KIF3C: variants seen among roughly 807,000 people sequenced by gnomAD.
KIF3C encodes the protein kinesin-like protein KIF3C.
KIF3C carries 12 observed loss-of-function variants against 67.7 expected under a neutral mutation model. The ratio of observed to expected loss-of-function variants is 0.18; its 90% CI spans 0.11 to 0.29. KIF3C has a LOEUF of 0.29. Ranked by LOEUF, KIF3C falls within the 10% of genes least tolerant of loss-of-function variation. The probability of loss-of-function intolerance (pLI) is 1.00; values close to 1 mark genes in which losing one functional copy is unlikely to be tolerated. For synonymous variants in KIF3C, 393 were observed against 426.2 expected (o/e 0.92, Z 0.96); for missense variants, 789 against 1,059.6 (o/e 0.74, Z 3.55).
chr2:25,949,893 C>T (rs543511363), intron 5 of KIF3C, among the ~76,000 whole-genome samples: 1 of 150,868 alleles, frequency 6.6e-6, no homozygotes, highest in East Asian at 2.1e-4. Flanking sequence ...ATCGTTTGAA[C>T]CCAGGAAGCG....
intron 5 of KIF3C, among the ~76,000 whole-genome samples, chr2:25,936,166 A>G (rs1454185591): frequency 6.6e-6 from 1 of 152,140 alleles, no homozygotes; most frequent in Non-Finnish European, 1.5e-5. Flanking sequence ...GCCACAATAT[A>G]TTAATAAAAG....
chr2:25,955,609 T>C lies in KIF3C; in HGVS notation c.1702A>G (p.Met568Val), dbSNP rs1235673503. 6.2e-6 allele frequency: 10 copies of C among 1,614,038 alleles called. No homozygotes were observed. Among genetic ancestry groups the C allele is most frequent in the Non-Finnish European group, 7.6e-6 (9 of 1,179,912 alleles). ...GATGTGTAGGTGCCCCGGAGCTCCA[T>C]AGTCTCCTCGTCCCGGAGCATCATC... is the stretch of plus-strand genomic sequence containing the variant. ...QEMMLRDEET[M>V]ELRGTYTSLQ... The change falls in exon 3 of 8, where the codon ATG becomes GTG. Residue 568 changes from methionine to valine, a missense_variant. By Grantham distance (21) the Met-to-Val change is conservative. This residue lies in a region of KIF3C where 648 missense variants were observed against 807.8 expected (regional missense o/e 0.80). Transcript: ENST00000264712. The surrounding 1 kb of genome is among the most constrained non-coding windows in gnomAD (Gnocchi z 5.0).
At chr2:25,932,765 A>G (rs1172331402) in intron 5 of KIF3C, among the ~76,000 whole-genome samples, 7 of 151,770 alleles carry the variant, frequency 4.6e-5, no homozygotes, top group Admixed American at 2.0e-4. Flanking sequence ...CCCGGGAGGC[A>G]GAGGTTGCAG....
At chr2:25,929,220 G>T in intron 7 of KIF3C, 85 bp downstream of exon 7, 2 of 1,511,542 alleles carry the variant, frequency 1.3e-6, no homozygotes, top group African/African-American at 1.4e-5. Flanking sequence ...TCGGGTACCA[G>T]CAAAACCCTC....
intron 1 of KIF3C, among the ~76,000 whole-genome samples, chr2:25,978,889 G>A (rs1664485506): frequency 6.6e-6 from 1 of 152,032 alleles, no homozygotes; most frequent in Admixed American, 6.5e-5. Context: ...GTCCCTAAAG[G>A]TTCCAGGCCC....
chr2:25,960,813 G>A (rs1348557485), intron 1 of KIF3C, among the ~76,000 whole-genome samples: 1 of 152,186 alleles, frequency 6.6e-6, no homozygotes, highest in Non-Finnish European at 1.5e-5. Context: ...GTGTGGGCCT[G>A]TGGTCCCAGC....
Position 25,927,720 on chromosome 2 carries a change from G to T in KIF3C, c.*1258C>A, listed in dbSNP as rs6738270. On this transcript the variant is annotated 3_prime_UTR_variant, in exon 8 of 8. Coordinates refer to ENST00000264712, the MANE Select transcript of KIF3C (RefSeq NM_002254.8). ...TAATTCACTCGCTTGCTTTCGTTAT[G>T]ACCTCTTCACCCGTCCTCCAAAATA... 0.71 allele frequency: 107,387 copies of T among 152,000 alleles called. 39,371 individuals carry two copies. The highest frequency in any genetic ancestry group is 0.79 in the Non-Finnish European group (53,863 of 67,972). 9.4% of individuals were successfully genotyped at this position (152,000 alleles called of 1,614,324 possible). A position where few individuals can be genotyped will look rare whatever the true frequency, so the allele number is the denominator to read the frequency against.
intron 1 of KIF3C, among the ~76,000 whole-genome samples, chr2:25,963,360 C>T (rs1009451787): frequency 6.7e-6 from 1 of 149,694 alleles, no homozygotes; most frequent in Non-Finnish European, 1.5e-5. Context: ...GCACCCACCA[C>T]CACGCCTGGC....
chr2:25,964,523 G>A (rs929741966), intron 1 of KIF3C, among the ~76,000 whole-genome samples: 4 of 152,082 alleles, frequency 2.6e-5, no homozygotes, highest in African/African-American at 9.7e-5. Context: ...CTGGAATGTA[G>A]TGGCATGATC....
In KIF3C at chr2:25,957,796, G is replaced by A. The variant is rs185165797; in HGVS notation, c.1546-1352C>T. ...CAAAGACGCTGAGCAAGTTGGGCCC[G>A]CCAGAGAGGCACGAGCTTCATTCCA... On this transcript the variant is annotated intron_variant, in intron 1 of 7. Transcript: ENST00000264712. 2.3e-3 allele frequency among the ~76,000 whole-genome samples: 343 copies of A among 152,328 alleles called. 1 individual carries two copies. The highest frequency in any genetic ancestry group is 3.8e-3 in the Non-Finnish European group (261 of 68,032).
chr2:25,932,763 G>T (rs1394953329), intron 5 of KIF3C, among the ~76,000 whole-genome samples: 1 of 151,932 alleles, frequency 6.6e-6, no homozygotes, highest in Non-Finnish European at 1.5e-5. Flanking sequence ...AACCCGGGAG[G>T]CAGAGGTTGC....
In KIF3C at chr2:25,980,808, C is replaced by G. The variant is rs754112933; in HGVS notation, c.1110G>C (p.Arg370=). The G allele has an allele frequency of 4.3e-6, 7 of 1,614,220 alleles. No individual in the cohort carries two copies. The highest frequency in any genetic ancestry group is 5.9e-6 in the Non-Finnish European group (7 of 1,180,044). ...NRAKNIKNKP[R]VNEDPKDTLL... The stretch of plus-strand genomic sequence containing the variant: ...GTGTGTCCTTGGGGTCCTCGTTCAC[C>G]CGGGGCTTGTTCTTGATGTTCTTGG... The change falls in exon 1 of 8, where the codon CGG becomes CGC. Residue 370 remains arginine (R), a synonymous_variant. Transcript: ENST00000264712. This position sits in a 1 kb window ranked among gnomAD's most constrained non-coding sequence, Gnocchi z 7.6.
At chr2:25,949,136 T>TTC in intron 5 of KIF3C, among the ~76,000 whole-genome samples, 1 of 152,312 alleles carries the variant, frequency 6.6e-6, no homozygotes, top group South Asian at 2.1e-4. Context: ...TTTTCGGAAG[T>TTC]ACAGGTAAAA....
intron 5 of KIF3C, among the ~76,000 whole-genome samples, chr2:25,931,482 A>T (rs960458366): frequency 1.3e-5 from 2 of 152,002 alleles, no homozygotes; most frequent in Non-Finnish European, 2.9e-5. Context: ...CAAAAAACAA[A>T]ACAAAAAAAG....
intron 1 of KIF3C, among the ~76,000 whole-genome samples, chr2:25,960,402 G>A (rs1663915956): frequency 6.7e-6 from 1 of 149,258 alleles, no homozygotes; most frequent in Non-Finnish European, 1.5e-5. Context: ...AAAGCTCACA[G>A]AGGTTATATA....
Position 25,950,329 on chromosome 2 carries a change from T to G in KIF3C, c.2006+1460A>C, listed in dbSNP as rs111520115. Among the ~76,000 whole-genome samples the G allele has an allele frequency of 8.5e-3, 1,290 of 151,970 alleles. 5 individuals are homozygous for G. Among genetic ancestry groups the G allele is most frequent in the Non-Finnish European group, 0.012 (835 of 67,960 alleles). ...ACCTCCCGAGTTCAAGAGATTCTCCTGCCTCAGCCTCCCTAGTAGCTAGGA... is the reference window on the plus strand; with the variant it reads ...ACCTCCCGAGTTCAAGAGATTCTCCGGCCTCAGCCTCCCTAGTAGCTAGGA... On this transcript the variant is annotated intron_variant, in intron 5 of 7. Transcript: ENST00000264712.
intron 5 of KIF3C, chr2:25,938,237 G>A (rs1663189706): frequency 2.2e-6 from 1 of 450,382 alleles, no homozygotes; most frequent in Admixed American, 2.4e-5. Flanking sequence ...GCACATACCT[G>A]TAACCCCAGC....
intron 1 of KIF3C, among the ~76,000 whole-genome samples, chr2:25,970,438 C>A (rs1267294996): frequency 6.6e-6 from 1 of 151,958 alleles, no homozygotes; most frequent in East Asian, 1.9e-4. Context: ...GAGGCCGAGG[C>A]AGGCGGATCA....
intron 5 of KIF3C, among the ~76,000 whole-genome samples, chr2:25,935,662 C>T (rs1663077810): frequency 6.6e-6 from 1 of 152,008 alleles, no homozygotes; most frequent in African/African-American, 2.4e-5. Context: ...GTGCCTGGCC[C>T]TGAAGCATTA....
Sources: allele counts gnomAD v4.1 joint callset (sites outside exome capture counted in the v4.1 genomes callset), GRCh38; gene constraint gnomAD v4.1.1; regional missense constraint gnomAD v4.1.1; non-coding constraint Gnocchi (gnomAD v3.1); transcripts MANE v1.5; gene names NCBI Gene and HGNC (gene_info 2026-07-23, HGNC 2026-07-21).